Variants in SPTB observed in about 807,000 individuals in gnomAD.
SPTB encodes spectrin beta, erythrocytic.
In SPTB, 45 loss-of-function variants were observed where a neutral mutation model predicts 256.2. That is an observed-to-expected ratio of 0.18 (90% CI 0.14 to 0.23). The LOEUF (loss-of-function observed/expected upper bound fraction) is 0.23. SPTB is among the 10% of genes least tolerant of loss of function. SPTB has a pLI of 1.00. For synonymous variants in SPTB, 1,231 were observed against 1,243.1 expected (o/e 0.99, Z 0.21); for missense variants, 2,715 against 3,040.4 (o/e 0.89, Z 2.52).
intron 1 of SPTB, among the ~76,000 whole-genome samples, chr14:64,828,212 C>A (rs1396884763): frequency 6.6e-6 from 1 of 151,852 alleles, no homozygotes; most frequent in Non-Finnish European, 1.5e-5. Flanking sequence ...TGTCACCCGG[C>A]AGGGGCTTTA....
chr14:64,791,713 C>A lies in SPTB; in HGVS notation c.2804+6G>T, dbSNP rs867456110. 2.5e-6 allele frequency: 4 copies of A among 1,614,068 alleles called. No homozygotes were observed. The Middle Eastern group carries it at 5.0e-4, about 200-fold the overall frequency. On this transcript the variant is annotated splice_donor_region_variant and intron_variant, in intron 15 of 35. Coordinates refer to ENST00000644917, the MANE Select transcript of SPTB (RefSeq NM_001355436.2). The stretch of plus-strand genomic sequence containing the variant: ...GCCCCCGCCCCATGCCCTACCCACA[C>A]CCCACCTGGTGTTCAGATGGTCCTG...
In SPTB at chr14:64,826,258, G is replaced by A. The variant is rs551677158; in HGVS notation, c.-51-3113C>T. Among the ~76,000 whole-genome samples the A allele has an allele frequency of 2.6e-5, 4 of 152,314 alleles. No individual in the cohort carries two copies. Among genetic ancestry groups the A allele is most frequent in the East Asian group, 3.9e-4 (2 of 5,182 alleles). On this transcript the variant is annotated intron_variant, in intron 1 of 35. Transcript: ENST00000644917. This position sits in a 1 kb window ranked among gnomAD's most constrained non-coding sequence, Gnocchi z 4.4. The stretch of plus-strand genomic sequence containing the variant: ...CAGATAGTTAACAAAAAGCAAACAC[G>A]AAGATATGCCTGTCCAAAACCAGAT...
At position 64,748,341 on chromosome 14, in the gene SPTB, G is replaced by C. The variant is rs900201467; in HGVS notation, c.*965C>G. ...CATCTTATATCTGGGGGCCCACACT[G>C]TCCCGTAGGGGGCCTATGTCTGTTG... is the stretch of plus-strand genomic sequence containing the variant. On this transcript the variant is annotated 3_prime_UTR_variant, in exon 36 of 36. Coordinates refer to ENST00000644917, the MANE Select transcript of SPTB (RefSeq NM_001355436.2). 2.0e-5 allele frequency: 3 copies of C among 152,418 alleles called. No homozygotes were observed. In the East Asian group the frequency reaches 5.8e-4, roughly 29 times the overall value. The allele number at this position is 152,418 out of a possible 1,614,324, so 9.4% of individuals were successfully genotyped here. A position where few individuals can be genotyped will look rare whatever the true frequency, so the allele number is the denominator to read the frequency against.
At position 64,787,141 on chromosome 14, in the gene SPTB, G is replaced by A; in HGVS notation, c.2824C>T (p.Leu942=). Residue 942 remains leucine (L), a synonymous_variant, in exon 16 of 36, where the codon CTG becomes TTG. Transcript: ENST00000644917. ...ACAGCCTCCCGCCGCTCCGACACCA[G>A]GGTCTGAAATGCCTGCCACCTGCCG... The part of the protein sequence containing the change: ...LNTRWQAFQT[L]VSERREAVDS... 6.2e-7 allele frequency: 1 copy of A among 1,606,554 alleles called. No individual in the cohort carries two copies. The highest frequency in any genetic ancestry group is 2.2e-5 in the East Asian group (1 of 44,882).
intron 1 of SPTB, among the ~76,000 whole-genome samples, chr14:64,858,744 G>A (rs1359150130): frequency 6.6e-6 from 1 of 152,194 alleles, no homozygotes; most frequent in East Asian, 1.9e-4. Flanking sequence ...CTGGGCTACA[G>A]GAAAGGTCTG....
chr14:64,809,431 C>T (rs2083047183), intron 2 of SPTB, among the ~76,000 whole-genome samples: 2 of 149,916 alleles, frequency 1.3e-5, no homozygotes, highest in African/African-American at 2.5e-5. Flanking sequence ...CTGCAACCTC[C>T]GCCTCCCGAG....
intron 1 of SPTB, among the ~76,000 whole-genome samples, chr14:64,859,516 A>G (rs1009463096): frequency 3.3e-5 from 5 of 152,306 alleles, no homozygotes; most frequent in Admixed American, 3.3e-4. Context: ...AGACTGAGGC[A>G]GGCAGATTGC....
At chr14:64,859,482 T>C (rs1050561257) in intron 1 of SPTB, among the ~76,000 whole-genome samples, 2 of 151,724 alleles carry the variant, frequency 1.3e-5, no homozygotes, top group African/African-American at 2.4e-5. Flanking sequence ...TGGTGGCTCA[T>C]GCCTGTAATC....
chr14:64,856,102 G>C (rs528348179), intron 1 of SPTB, among the ~76,000 whole-genome samples: 6 of 152,366 alleles, frequency 3.9e-5, no homozygotes, highest in African/African-American at 1.4e-4. Context: ...AAGAGGTTAA[G>C]AAAAAGTGGA....
chr14:64,864,138 T>C (rs1021034535), intron 1 of SPTB, among the ~76,000 whole-genome samples: 9 of 152,122 alleles, frequency 5.9e-5, no homozygotes, highest in African/African-American at 2.2e-4. Flanking sequence ...AGAAGGAGCA[T>C]AAGATATTAC....
chr14:64,793,999 C>G lies in SPTB; in HGVS notation c.1796-132G>C. The stretch of plus-strand genomic sequence containing the variant: ...GTCACTGGGGCTTTGGGGTTGGATG[C>G]AGGGGGGTCCCAGTTGCTCAGAGGG... On this transcript the variant is annotated intron_variant, in intron 13 of 35. Transcript: ENST00000644917. The surrounding 1 kb of genome is among the most constrained non-coding windows in gnomAD (Gnocchi z 7.0). The G allele has an allele frequency of 1.3e-6, 1 of 764,014 alleles. No homozygotes were observed. The highest frequency in any genetic ancestry group is 2.9e-5 in the Admixed American group (1 of 34,628). 47.3% of individuals were successfully genotyped at this position (764,014 alleles called of 1,614,324 possible).
intron 3 of SPTB, 47 bp downstream of exon 3, chr14:64,804,892 A>G (rs1478081966): frequency 6.2e-7 from 1 of 1,612,210 alleles, no homozygotes; most frequent in Admixed American, 1.7e-5. Flanking sequence ...CCTTTGCTGA[A>G]GAGGGGCCGA....
At chr14:64,787,806 G>T in intron 15 of SPTB, among the ~76,000 whole-genome samples, 1 of 152,232 alleles carries the variant, frequency 6.6e-6, no homozygotes, top group East Asian at 1.9e-4. Flanking sequence ...CGGATGCCTG[G>T]GGGCCTGGGG....
In SPTB at chr14:64,795,639, C is replaced by T. The variant is rs150698819; in HGVS notation, c.1342G>A (p.Asp448Asn). 1.2e-5 allele frequency: 19 copies of T among 1,613,834 alleles called. No individual in the cohort carries two copies. Among genetic ancestry groups the T allele is most frequent in the Non-Finnish European group, 1.6e-5 (19 of 1,180,034 alleles). The stretch of plus-strand genomic sequence containing the variant: ...GCTGCCAGGTCATACCCAAAGTTAT[C>T]CTGCCCCACCGGGAGAAAAACAGGC... Reference protein sequence around the residue: ...LSENQRLVAQDNFGYDLAAVE... With the variant: ...LSENQRLVAQNNFGYDLAAVE... Residue 448 changes from aspartate to asparagine, a missense_variant and splice_region_variant, in exon 12 of 36, where the codon GAT becomes AAT. Physicochemically the swap from Asp to Asn is conservative, Grantham distance 23. Transcript: ENST00000644917. This position sits in a 1 kb window ranked among gnomAD's most constrained non-coding sequence, Gnocchi z 6.5.
intron 33 of SPTB, among the ~76,000 whole-genome samples, chr14:64,750,894 GAAATATAT>G (rs1286928657): frequency 6.4e-5 from 9 of 141,508 alleles, no homozygotes; most frequent in South Asian, 2.2e-4. Context: ...ATATTTATAT[GAAATATAT>G]AAATATATAA....
chr14:64,753,742 C>G lies in SPTB; in HGVS notation c.6397G>C (p.Gly2133Arg), dbSNP rs769948840. ...PQNLQQPPPP[G>R]QHKDGQKSTG... The stretch of plus-strand genomic sequence containing the variant: ...GATTTCTGCCCATCCTTGTGCTGAC[C>G]CGGCGGTGGTGGCTGCTGCAGGTTC... The change falls in exon 33 of 36, where the codon GGT (glycine) becomes CGT (arginine). Residue 2133 changes from glycine to arginine, a missense_variant. This residue lies in a region of SPTB where 2,239 missense variants were observed against 2,384.4 expected (regional missense o/e 0.94). Coordinates refer to ENST00000644917, the MANE Select transcript of SPTB (RefSeq NM_001355436.2). 2 of 1,613,752 alleles carry G rather than the reference C, an allele frequency of 1.2e-6. No individual in the cohort carries two copies. The highest frequency in any genetic ancestry group is 1.3e-5 in the African/African-American group (1 of 75,032).
intron 1 of SPTB, among the ~76,000 whole-genome samples, chr14:64,878,563 G>T (rs2139840789): frequency 6.6e-6 from 1 of 152,274 alleles, no homozygotes; most frequent in Admixed American, 6.5e-5. Flanking sequence ...TGAAGCTAAG[G>T]ATAGGACAGT....
intron 10 of SPTB, 147 bp downstream of exon 10, chr14:64,797,582 T>TCGA: frequency 1.4e-6 from 1 of 692,930 alleles, no homozygotes; most frequent in Non-Finnish European, 2.6e-6. Flanking sequence ...AGAACCAGGT[T>TCGA]CGATAACTCC....
chr14:64,801,090 C>A (rs1468858063), intron 7 of SPTB, among the ~76,000 whole-genome samples, 195 bp downstream of exon 7: 1 of 152,268 alleles, frequency 6.6e-6, no homozygotes, highest in Non-Finnish European at 1.5e-5. Context: ...ACAGACCAGG[C>A]AGGCATGGGA....
Sources: allele counts gnomAD v4.1 joint callset (sites outside exome capture counted in the v4.1 genomes callset), GRCh38; gene constraint gnomAD v4.1.1; regional missense constraint gnomAD v4.1.1; non-coding constraint Gnocchi (gnomAD v3.1); transcripts MANE v1.5; gene names NCBI Gene and HGNC (gene_info 2026-07-23, HGNC 2026-07-21).